Variants in MALRD1 observed in about 807,000 individuals in gnomAD.
MALRD1 encodes MAM and LDL receptor class A domain containing 1.
Under a neutral mutation model 242.1 loss-of-function variants are expected in MALRD1, and 247 were observed. That is an observed-to-expected ratio of 1.02 (90% CI 0.92 to 1.13). The LOEUF (loss-of-function observed/expected upper bound fraction) is 1.13. Ranked by LOEUF, MALRD1 falls within the 50% of genes most tolerant of loss-of-function variation. The pLI is 0.00. For synonymous variants in MALRD1, 995 were observed against 866.6 expected, an observed-to-expected ratio of 1.15 and a Z score of -2.60; for missense variants, 2,989 against 2,533.1, an observed-to-expected ratio of 1.18 and a Z score of -3.86.
chr10:19,580,431 G>T (rs1041123961), intron 33 of MALRD1, among the ~76,000 whole-genome samples: 1 of 152,054 alleles, frequency 6.6e-6, no homozygotes, highest in Non-Finnish European at 1.5e-5. Flanking sequence ...TGATAATAGG[G>T]TTTTCACTTT....
At chr10:19,732,917 G>T (rs769139135) in intron 39 of MALRD1, among the ~76,000 whole-genome samples, 4 of 152,076 alleles carry the variant, frequency 2.6e-5, no homozygotes, top group Admixed American at 6.5e-5. Flanking sequence ...TTTCTATTTC[G>T]ATAAAAGAAA....
intron 18 of MALRD1, among the ~76,000 whole-genome samples, chr10:19,237,269 C>A (rs928531016): frequency 6.6e-6 from 1 of 151,264 alleles, no homozygotes; most frequent in East Asian, 1.9e-4. Flanking sequence ...AACTGTTAAC[C>A]AGTCTCCCTC....
At chr10:19,689,773 G>C (rs539659508) in intron 36 of MALRD1, among the ~76,000 whole-genome samples, 295 of 152,182 alleles carry the variant, frequency 1.9e-3, no homozygotes, top group Non-Finnish European at 3.4e-3. Context: ...TCCCATGACA[G>C]TTTTGTGATT....
chr10:19,301,166 T>C (rs1415055711), intron 21 of MALRD1, among the ~76,000 whole-genome samples: 4 of 151,924 alleles, frequency 2.6e-5, no homozygotes, highest in Admixed American at 6.6e-5. Context: ...TGAGATACCA[T>C]CTCAAACCTG....
intron 12 of MALRD1, among the ~76,000 whole-genome samples, chr10:19,156,568 A>G (rs1211576130): frequency 6.6e-6 from 1 of 152,042 alleles, no homozygotes; most frequent in East Asian, 1.9e-4. Context: ...ATGAGATCAC[A>G]AATGTTAGAT....
intron 26 of MALRD1, among the ~76,000 whole-genome samples, chr10:19,355,954 G>A (rs1009699627): frequency 1.3e-5 from 2 of 148,190 alleles, no homozygotes; most frequent in Non-Finnish European, 3.0e-5. Context: ...GCTAGGGTTA[G>A]GGTTGGAATG....
intron 33 of MALRD1, among the ~76,000 whole-genome samples, chr10:19,570,325 G>A (rs1174439192): frequency 6.6e-6 from 1 of 151,984 alleles, no homozygotes; most frequent in Admixed American, 6.6e-5. Context: ...CAATGTCTTA[G>A]GGATTATGCA....
chr10:19,200,249 A>G (rs1836460114), intron 14 of MALRD1, among the ~76,000 whole-genome samples: 1 of 152,316 alleles, frequency 6.6e-6, no homozygotes, highest in African/African-American at 2.4e-5. Context: ...TTTCTGGTTC[A>G]TGTCTTTCTG....
intron 29 of MALRD1, among the ~76,000 whole-genome samples, chr10:19,465,716 T>C (rs1836187676): frequency 6.6e-6 from 1 of 152,144 alleles, no homozygotes; most frequent in Admixed American, 6.5e-5. Flanking sequence ...GTATTTTTAA[T>C]ACAGACAGGA....
At chr10:19,186,819 C>G (rs766077005) in intron 14 of MALRD1, among the ~76,000 whole-genome samples, 21 of 152,224 alleles carry the variant, frequency 1.4e-4, no homozygotes, top group Non-Finnish European at 2.6e-4. Flanking sequence ...CAGTTCTTCT[C>G]TTTTCTCACA....
chr10:19,599,807 ATT>A lies in MALRD1; in HGVS notation c.5944+4352_5944+4353del, dbSNP rs1838269453. Among the ~76,000 whole-genome samples, 4 of 152,226 alleles carry A rather than the reference ATT, an allele frequency of 2.6e-5. No individual in the cohort carries two copies. In the South Asian group the frequency reaches 8.3e-4, roughly 32 times the overall value. ...GGGAGTACTTGGTAAGAGGCATGACATTTAGTTAAGGCAAGCGGTTAGTCCAT... is the reference window on the plus strand; with the variant it reads ...GGGAGTACTTGGTAAGAGGCATGACATAGTTAAGGCAAGCGGTTAGTCCAT... On this transcript the variant is annotated intron_variant, in intron 34 of 39. Transcript: ENST00000454679.
intron 28 of MALRD1, among the ~76,000 whole-genome samples, chr10:19,445,709 A>G (rs1035560420): frequency 2.0e-5 from 3 of 152,192 alleles, no homozygotes; most frequent in African/African-American, 7.2e-5. Context: ...GTGTCACCCT[A>G]CTGGGAGGTG....
chr10:19,281,917 C>T (rs187500360), intron 20 of MALRD1, among the ~76,000 whole-genome samples: 4 of 139,676 alleles, frequency 2.9e-5, no homozygotes, highest in Admixed American at 8.1e-5. Context: ...GAGCCGAGAT[C>T]GTGCCAATGC....
At chr10:19,593,050 T>A (rs187041891) in intron 33 of MALRD1, among the ~76,000 whole-genome samples, 188 of 151,902 alleles carry the variant, frequency 1.2e-3, no homozygotes, top group African/African-American at 4.3e-3. Flanking sequence ...GTGAGATTAA[T>A]CTAATGGAAA....
chr10:19,229,403 CTG>C (rs754635978), intron 18 of MALRD1, among the ~76,000 whole-genome samples: 65 of 152,170 alleles, frequency 4.3e-4, no homozygotes, highest in Non-Finnish European at 8.7e-4. Context: ...ACGTAGGCTT[CTG>C]TGAGTTCCAT....
At chr10:19,069,352 G>A (rs1052958926) in intron 2 of MALRD1, among the ~76,000 whole-genome samples, 4 of 151,780 alleles carry the variant, frequency 2.6e-5, no homozygotes, top group South Asian at 2.1e-4. Context: ...GTTCTATAGC[G>A]TTCACATATA....
chr10:19,191,746 C>G (rs915953872), intron 14 of MALRD1, among the ~76,000 whole-genome samples: 1 of 152,082 alleles, frequency 6.6e-6, no homozygotes, highest in Non-Finnish European at 1.5e-5. Flanking sequence ...ACCTGTAATC[C>G]TAGCACTTTG....
At chr10:19,134,869 A>G (rs1833272700) in intron 9 of MALRD1, among the ~76,000 whole-genome samples, 1 of 152,170 alleles carries the variant, frequency 6.6e-6, no homozygotes, top group Non-Finnish European at 1.5e-5. Context: ...TTCAATAATT[A>G]TAGGCCTTTG....
chr10:19,481,064 G>C (rs941268353), intron 29 of MALRD1, among the ~76,000 whole-genome samples: 5 of 152,098 alleles, frequency 3.3e-5, no homozygotes, highest in African/African-American at 1.2e-4. Context: ...TATACATACA[G>C]TTTATGAAGT....
Sources: gnomAD v4.1 joint callset for allele counts (sites outside exome capture counted in the v4.1 genomes callset) on GRCh38, gnomAD v4.1.1 for gene constraint, MANE v1.5 for transcripts, NCBI Gene and HGNC (gene_info 2026-07-23, HGNC 2026-07-21) for gene names.